Variants in PKHD1L1 observed in about 807,000 individuals in gnomAD.
The protein encoded by PKHD1L1 is PKHD1 like 1.
In PKHD1L1, 434 loss-of-function variants were observed where a neutral mutation model predicts 462.9. That is an observed-to-expected ratio of 0.94 (90% CI 0.87 to 1.02). The LOEUF (loss-of-function observed/expected upper bound fraction) is 1.02. Ranked by LOEUF, PKHD1L1 falls within the 50% of genes least tolerant of loss-of-function variation. The pLI is 0.00. For missense variants in PKHD1L1, 5,202 were observed against 5,096.1 expected, an observed-to-expected ratio of 1.02 and a Z score of -0.63; for synonymous variants, 1,781 against 1,750.0, an observed-to-expected ratio of 1.02 and a Z score of -0.44.
intron 59 of PKHD1L1, among the ~76,000 whole-genome samples, chr8:109,488,513 C>A (rs900982379): frequency 6.6e-6 from 1 of 151,918 alleles, no homozygotes; most frequent in East Asian, 1.9e-4. Flanking sequence ...CCAAGTAATT[C>A]TGGTTCTTTT....
At chr8:109,395,272 A>G (rs1433906108) in intron 10 of PKHD1L1, among the ~76,000 whole-genome samples, 2 of 152,246 alleles carry the variant, frequency 1.3e-5, no homozygotes, top group African/African-American at 4.8e-5. Context: ...TTTAATTTAA[A>G]GAGGTTTCAG....
At chr8:109,453,415 T>G (rs1816649265) in intron 43 of PKHD1L1, among the ~76,000 whole-genome samples, 1 of 152,204 alleles carries the variant, frequency 6.6e-6, no homozygotes, top group Non-Finnish European at 1.5e-5. Context: ...TGTTTTATTT[T>G]TTACTATGGA....
intron 52 of PKHD1L1, 70 bp from the exon 53 acceptor site, chr8:109,477,155 C>G: frequency 6.7e-7 from 1 of 1,503,316 alleles, no homozygotes; most frequent in Non-Finnish European, 9.1e-7. Context: ...TTCCAAAATT[C>G]CATAATTTTG....
intron 67 of PKHD1L1, among the ~76,000 whole-genome samples, chr8:109,500,887 G>A (rs924241728): frequency 6.6e-5 from 10 of 151,990 alleles, no homozygotes; most frequent in Admixed American, 3.3e-4. Flanking sequence ...TTTGTCTGAC[G>A]AGAAGCCTGA....
intron 2 of PKHD1L1, among the ~76,000 whole-genome samples, chr8:109,372,920 A>G (rs1469976564): frequency 6.6e-6 from 1 of 152,192 alleles, no homozygotes; most frequent in Non-Finnish European, 1.5e-5. Context: ...TATTTTATTG[A>G]GGATTTTTGC....
At chr8:109,508,514 G>A (rs1819813600) in intron 70 of PKHD1L1, among the ~76,000 whole-genome samples, 1 of 152,042 alleles carries the variant, frequency 6.6e-6, no homozygotes, top group African/African-American at 2.4e-5. Flanking sequence ...GGATGGAGAG[G>A]AGAGCAAGAA....
chr8:109,465,510 G>A (rs1026259611), intron 49 of PKHD1L1, among the ~76,000 whole-genome samples: 6 of 151,844 alleles, frequency 4.0e-5, no homozygotes, highest in African/African-American at 1.5e-4. Flanking sequence ...GAAAATTTTG[G>A]GCAATATTCA....
intron 71 of PKHD1L1, among the ~76,000 whole-genome samples, chr8:109,513,013 A>G (rs1820077070): frequency 6.6e-6 from 1 of 151,798 alleles, no homozygotes; most frequent in African/African-American, 2.4e-5. Flanking sequence ...TTATTGGTGT[A>G]TAAGAATGCT....
At chr8:109,500,155 AT>A (rs1819328557) in intron 67 of PKHD1L1, among the ~76,000 whole-genome samples, 1 of 152,102 alleles carries the variant, frequency 6.6e-6, no homozygotes, top group African/African-American at 2.4e-5. Context: ...ATTGTTAGTT[AT>A]ATTAAGTTAT....
At chr8:109,475,076 G>A in intron 50 of PKHD1L1, 42 bp from the exon 51 acceptor site, 1 of 1,528,602 alleles carries the variant, frequency 6.5e-7, no homozygotes, top group South Asian at 1.3e-5. Flanking sequence ...TTTATTAGAG[G>A]TAGAGATTAC....
intron 50 of PKHD1L1, among the ~76,000 whole-genome samples, chr8:109,471,550 A>G (rs937867549): frequency 3.4e-4 from 51 of 152,168 alleles, no homozygotes; most frequent in African/African-American, 1.2e-3. Flanking sequence ...CATTTCTTAA[A>G]ACACATGATA....
chr8:109,411,585 T>C (rs2130598909), intron 19 of PKHD1L1, among the ~76,000 whole-genome samples: 1 of 152,270 alleles, frequency 6.6e-6, no homozygotes, highest in East Asian at 1.9e-4. Context: ...ATCACCACCC[T>C]CACATGCATT....
intron 23 of PKHD1L1, among the ~76,000 whole-genome samples, chr8:109,423,098 A>G (rs1411236732): frequency 6.6e-6 from 1 of 152,054 alleles, no homozygotes; most frequent in Non-Finnish European, 1.5e-5. Flanking sequence ...TCACCTTTTC[A>G]TCTTCTTCAT....
In PKHD1L1 at chr8:109,476,678, T is replaced by C. The variant is rs1244409980; in HGVS notation, c.8917+11T>C. 1 of 1,576,146 alleles carries C rather than the reference T, an allele frequency of 6.3e-7. No individual in the cohort carries two copies. Among genetic ancestry groups the C allele is most frequent in the Non-Finnish European group, 8.6e-7 (1 of 1,163,332 alleles). Reference sequence around the variant, plus strand: ...CTCTATATTACTTGGGTATGTGTCATTAGGCAGAAATGATAGTTTATCTAA... The same window carrying C: ...CTCTATATTACTTGGGTATGTGTCACTAGGCAGAAATGATAGTTTATCTAA... On this transcript the variant is annotated intron_variant, in intron 52 of 77. Transcript: ENST00000378402.
chr8:109,411,875 G>A (rs1813874414), intron 19 of PKHD1L1, among the ~76,000 whole-genome samples: 2 of 152,220 alleles, frequency 1.3e-5, no homozygotes, highest in South Asian at 4.1e-4. Context: ...CTTTGTCTTA[G>A]ACGGGTGGCC....
intron 12 of PKHD1L1, among the ~76,000 whole-genome samples, chr8:109,399,779 C>A (rs984764344): frequency 3.3e-5 from 5 of 151,982 alleles, no homozygotes; most frequent in Non-Finnish European, 5.9e-5. Context: ...TTTTTAAATG[C>A]CAGCTGTTTT....
intron 69 of PKHD1L1, 81 bp downstream of exon 69, chr8:109,507,976 C>T (rs1393336216): frequency 1.3e-6 from 2 of 1,523,198 alleles, no homozygotes; most frequent in Non-Finnish European, 1.8e-6. Flanking sequence ...GACTTGCCTA[C>T]TCAACCAATA....
Position 109,420,960 on chromosome 8 carries a change from A to T in PKHD1L1, c.2697+270A>T, listed in dbSNP as rs570693027. Among the ~76,000 whole-genome samples, 8 of 152,258 alleles carry T rather than the reference A, an allele frequency of 5.3e-5. No homozygotes were observed. In the East Asian group the frequency reaches 1.3e-3, roughly 26 times the overall value. ...CTCTGTGGACGTAAAAGAAAAAATTATGGTCTCTTCCAATAAACATCCTGA... is the reference window on the plus strand; with the variant it reads ...CTCTGTGGACGTAAAAGAAAAAATTTTGGTCTCTTCCAATAAACATCCTGA... On this transcript the variant is annotated intron_variant, in intron 23 of 77. Transcript: ENST00000378402.
chr8:109,383,185 TA>T (rs1267685388), intron 4 of PKHD1L1, among the ~76,000 whole-genome samples: 5 of 105,492 alleles, frequency 4.7e-5, no homozygotes, highest in Non-Finnish European at 8.8e-5. Context: ...ATAATATATA[TA>T]ATTATATATA....
Sources: allele counts gnomAD v4.1 joint callset (sites outside exome capture counted in the v4.1 genomes callset), GRCh38; gene constraint gnomAD v4.1.1; transcripts MANE v1.5; gene names NCBI Gene and HGNC (gene_info 2026-07-23, HGNC 2026-07-21).